Variants in ATRNL1 observed in about 807,000 individuals in gnomAD.
ATRNL1 encodes the protein attractin like 1, also known as attractin-like protein 1.
In ATRNL1, 95 loss-of-function variants were observed where a neutral mutation model predicts 182.7. That is an observed-to-expected ratio of 0.52 (90% confidence interval 0.44 to 0.62). ATRNL1 has a LOEUF of 0.62. Among genes scored for constraint, ATRNL1 ranks in the 20% least tolerant of loss-of-function variants. ATRNL1 has a pLI of 0.00. For missense variants in ATRNL1, 1,471 were observed against 1,679.5 expected, an observed-to-expected ratio of 0.88 and a Z score of 2.17; for synonymous variants, 576 against 568.3, an observed-to-expected ratio of 1.01 and a Z score of -0.19.
intron 26 of ATRNL1, among the ~76,000 whole-genome samples, chr10:115,572,419 G>C (rs190181305): frequency 5.9e-5 from 9 of 152,112 alleles, no homozygotes; most frequent in Admixed American, 6.6e-5. Context: ...TGATAGATTG[G>C]ATGCAACGGG....
chr10:115,602,727 G>A (rs1014063642), intron 26 of ATRNL1, among the ~76,000 whole-genome samples: 3 of 152,114 alleles, frequency 2.0e-5, no homozygotes, highest in Admixed American at 2.0e-4. Flanking sequence ...GCCGGGCGTG[G>A]TGGCAGGCAC....
chr10:115,159,941 A>G, intron 5 of ATRNL1, 99 bp from the exon 6 acceptor site: 1 of 835,540 alleles, frequency 1.2e-6, no homozygotes. Context: ...TTAATATGAT[A>G]AACATTGAAT....
rs1848218931 is a variant in ATRNL1 at position 115,469,769 on chromosome 10, T to C, written c.3654+440T>C. 5.3e-5 allele frequency among the ~76,000 whole-genome samples: 8 copies of C among 150,608 alleles called. No individual in the cohort carries two copies. The South Asian group carries it at 1.5e-3, about 27-fold the overall frequency. Reference sequence around the variant, plus strand: ...GTATTTCAGTTACCTCTTTAAGTAATTACCTCTCATCATTAATTTCCTAAT... The same window carrying C: ...GTATTTCAGTTACCTCTTTAAGTAACTACCTCTCATCATTAATTTCCTAAT... On this transcript the variant is annotated intron_variant, in intron 24 of 28. Transcript: ENST00000355044.
chr10:115,635,537 G>A (rs1322938848), intron 26 of ATRNL1, among the ~76,000 whole-genome samples: 9 of 152,150 alleles, frequency 5.9e-5, no homozygotes, highest in African/African-American at 7.2e-5. Context: ...ACTGTAGAGT[G>A]TAAATTGGTA....
chr10:115,100,240 C>T (rs978143232), intron 1 of ATRNL1, among the ~76,000 whole-genome samples: 4 of 152,116 alleles, frequency 2.6e-5, no homozygotes, highest in African/African-American at 9.6e-5. Context: ...CTGCAGTGAG[C>T]TGAGCTGTGA....
intron 8 of ATRNL1, among the ~76,000 whole-genome samples, chr10:115,172,833 C>T (rs1386501151): frequency 7.1e-6 from 1 of 141,228 alleles, no homozygotes; most frequent in Non-Finnish European, 1.6e-5. Flanking sequence ...AATTACTGTT[C>T]TCAAGTTGTT....
chr10:115,244,736 G>T (rs894037985), intron 10 of ATRNL1, among the ~76,000 whole-genome samples: 2 of 152,034 alleles, frequency 1.3e-5, no homozygotes, highest in Non-Finnish European at 2.9e-5. Flanking sequence ...AGCCACTATG[G>T]CACCTTCTTC....
chr10:115,246,435 G>C (rs1850643526), intron 10 of ATRNL1, among the ~76,000 whole-genome samples: 1 of 152,098 alleles, frequency 6.6e-6, no homozygotes, highest in Non-Finnish European at 1.5e-5. Flanking sequence ...ATTTCTGAGA[G>C]GTATTTGAAT....
At chr10:115,452,759 A>G (rs1259310754) in intron 21 of ATRNL1, among the ~76,000 whole-genome samples, 3 of 152,136 alleles carry the variant, frequency 2.0e-5, no homozygotes, top group Non-Finnish European at 4.4e-5. Flanking sequence ...ATTGTTAACT[A>G]TAAGTACTAT....
intron 26 of ATRNL1, among the ~76,000 whole-genome samples, chr10:115,722,069 G>T (rs1190821037): frequency 6.6e-6 from 1 of 152,114 alleles, no homozygotes; most frequent in African/African-American, 2.4e-5. Flanking sequence ...AGTTTACTTT[G>T]CAAGTTAATA....
intron 12 of ATRNL1, among the ~76,000 whole-genome samples, chr10:115,267,485 C>G (rs1851656025): frequency 6.6e-6 from 1 of 151,432 alleles, no homozygotes. Context: ...ATAAATGAGA[C>G]TTATGAAAAG....
In ATRNL1 at chr10:115,176,808, A is replaced by T. The variant is rs1043174489; in HGVS notation, c.1348+5516A>T. ...TGTTGCTATAGGTACTCTTTTTTTAAAAAAATTTATATTCTTTTTCTAAGA... is the reference window on the plus strand; with the variant it reads ...TGTTGCTATAGGTACTCTTTTTTTATAAAAATTTATATTCTTTTTCTAAGA... On this transcript the variant is annotated intron_variant, in intron 8 of 28. Coordinates refer to ENST00000355044, the MANE Select transcript of ATRNL1 (RefSeq NM_207303.4). Among the ~76,000 whole-genome samples the T allele has an allele frequency of 5.3e-5, 8 of 152,156 alleles. 1 individual carries two copies. The highest frequency in any genetic ancestry group is 1.9e-4 in the African/African-American group (8 of 41,530).
chr10:115,657,025 T>C (rs534920673), intron 26 of ATRNL1, among the ~76,000 whole-genome samples: 1 of 152,318 alleles, frequency 6.6e-6, no homozygotes, highest in African/African-American at 2.4e-5. Flanking sequence ...AATTAACTCT[T>C]GTTTATATCA....
intron 27 of ATRNL1, among the ~76,000 whole-genome samples, chr10:115,759,318 A>G (rs2960725): frequency 0.032 from 4,905 of 152,268 alleles, 255 homozygotes; most frequent in African/African-American, 0.11. Context: ...AGAAAACATA[A>G]GCACTAGTGA....
At chr10:115,189,003 G>C (rs1554889324) in intron 8 of ATRNL1, among the ~76,000 whole-genome samples, 2 of 152,138 alleles carry the variant, frequency 1.3e-5, no homozygotes, top group Non-Finnish European at 1.5e-5. Context: ...AAATGAAACA[G>C]TATCAATATA....
chr10:115,519,872 A>G (rs1554984764), intron 25 of ATRNL1, among the ~76,000 whole-genome samples: 1 of 152,192 alleles, frequency 6.6e-6, no homozygotes, highest in East Asian at 1.9e-4. Flanking sequence ...AAGAGAGGTT[A>G]TAGTTTGTAG....
At chr10:115,906,687 C>T (rs1555114626) in intron 28 of ATRNL1, among the ~76,000 whole-genome samples, 2 of 152,072 alleles carry the variant, frequency 1.3e-5, no homozygotes, top group East Asian at 1.9e-4. Context: ...TTTCGTATTA[C>T]TTTATTCATA....
chr10:115,869,111 G>A (rs1339720117), intron 28 of ATRNL1, among the ~76,000 whole-genome samples: 2 of 152,110 alleles, frequency 1.3e-5, no homozygotes, highest in East Asian at 1.9e-4. Flanking sequence ...TTACAGGCGT[G>A]AGCCACCGCA....
In ATRNL1 at chr10:115,519,226, G is replaced by A. The variant is rs781996571; in HGVS notation, c.3655-37G>A. 6 of 1,539,218 alleles carry A rather than the reference G, an allele frequency of 3.9e-6. No individual in the cohort carries two copies. In the South Asian group the frequency reaches 4.5e-5, roughly 12 times the overall value. On this transcript the variant is annotated intron_variant, in intron 24 of 28. Transcript: ENST00000355044. The stretch of plus-strand genomic sequence containing the variant: ...AAATATCACCACAGGTTTTAGAGAA[G>A]AACATACTTTCAATTTTTTTTATTT...
Sources: gnomAD v4.1 joint callset for allele counts (sites outside exome capture counted in the v4.1 genomes callset) on GRCh38, gnomAD v4.1.1 for gene constraint, MANE v1.5 for transcripts, NCBI Gene and HGNC (gene_info 2026-07-23, HGNC 2026-07-21) for gene names.